Variants in EYS observed in about 807,000 individuals in gnomAD.
EYS encodes the protein protein eyes shut homolog.
EYS carries 250 observed loss-of-function variants against 282.1 expected under a neutral mutation model. That is an observed-to-expected ratio of 0.89 (90% CI 0.80 to 0.98). The LOEUF (loss-of-function observed/expected upper bound fraction) is 0.98. Among genes scored for constraint, EYS ranks in the 50% least tolerant of loss-of-function variants. The pLI, the probability that EYS is intolerant of heterozygous loss-of-function variation, is 0.00. For synonymous variants in EYS, 1,355 were observed against 1,282.9 expected (o/e 1.06, Z -1.20); for missense variants, 4,016 against 3,709.0 (o/e 1.08, Z -2.15).
Position 64,886,944 on chromosome 6 carries a change from T to G in EYS, c.2847-102A>C, listed in dbSNP as rs1767109779. The G allele has an allele frequency of 7.9e-6, 6 of 756,924 alleles. No individual in the cohort carries two copies. In the South Asian group the frequency reaches 1.4e-4, roughly 18 times the overall value. The allele number at this position is 756,924 out of a possible 1,614,324, so 46.9% of individuals were successfully genotyped here. A position where few individuals can be genotyped will look rare whatever the true frequency, so the allele number is the denominator to read the frequency against. On this transcript the variant is annotated intron_variant, in intron 18 of 42. Transcript: ENST00000503581. ...TTTAAATTCAAGACATTCAACTTAA[T>G]TGAAATAAATAATATATGTATTTCA...
chr6:64,336,456 G>A lies in EYS; in HGVS notation c.6079-29374C>T, dbSNP rs549520564. 2.6e-5 allele frequency among the ~76,000 whole-genome samples: 4 copies of A among 152,080 alleles called. No individual in the cohort carries two copies. The South Asian group carries it at 8.3e-4, about 32-fold the overall frequency. ...CTTAACATACATGCACCGAACACTG[G>A]AGCTCCCAAATTTATAAAACAATTA... On this transcript the variant is annotated intron_variant, in intron 29 of 42. Coordinates refer to ENST00000503581, the MANE Select transcript of EYS (RefSeq NM_001142800.2).
chr6:65,556,609 G>A (rs1768814255), intron 2 of EYS, among the ~76,000 whole-genome samples: 1 of 152,012 alleles, frequency 6.6e-6, no homozygotes, highest in Non-Finnish European at 1.5e-5. Flanking sequence ...TATCTTAATT[G>A]ATGAAATCTT....
chr6:64,018,405 A>G (rs570522104), intron 33 of EYS, among the ~76,000 whole-genome samples: 1 of 152,280 alleles, frequency 6.6e-6, no homozygotes, highest in Non-Finnish European at 1.5e-5. Context: ...TTGCTTTCTC[A>G]TCAAATCTAA....
At position 65,384,333 on chromosome 6, in the gene EYS, G is replaced by A. The variant is rs1391138406; in HGVS notation, c.1299+53C>T. 6 of 926,838 alleles carry A rather than the reference G, an allele frequency of 6.5e-6. No individual in the cohort carries two copies. In the Admixed American group the frequency reaches 7.0e-5, roughly 11 times the overall value. The allele number at this position is 926,838 out of a possible 1,614,324, so 57.4% of individuals were successfully genotyped here. A position where few individuals can be genotyped will look rare whatever the true frequency, so the allele number is the denominator to read the frequency against. On this transcript the variant is annotated intron_variant, in intron 8 of 42. Transcript: ENST00000503581. ...AGCATTTGAAATATAGACTAACTGA[G>A]TCTATTGTATTTTGAAGGGCTAACT... is the stretch of plus-strand genomic sequence containing the variant.
intron 14 of EYS, among the ~76,000 whole-genome samples, chr6:64,949,638 AC>A (rs1463389569): frequency 5.9e-5 from 9 of 152,054 alleles, no homozygotes; most frequent in South Asian, 4.1e-4. Context: ...ATCTCTTTCT[AC>A]ATATAATATA....
At chr6:65,627,933 C>T (rs575274927) in intron 2 of EYS, among the ~76,000 whole-genome samples, 170 of 152,370 alleles carry the variant, frequency 1.1e-3, no homozygotes, top group African/African-American at 3.8e-3. Flanking sequence ...TGCGAGCGCA[C>T]GGCGCAGGAC....
chr6:64,582,364 C>T (rs1164291727), intron 26 of EYS, among the ~76,000 whole-genome samples: 3 of 152,086 alleles, frequency 2.0e-5, no homozygotes, highest in African/African-American at 7.2e-5. Flanking sequence ...CTAACTAATG[C>T]CTGGTGATCT....
chr6:65,481,600 G>A (rs1487042632), intron 5 of EYS, among the ~76,000 whole-genome samples: 1 of 152,218 alleles, frequency 6.6e-6, no homozygotes. Context: ...CCAGGCTGAA[G>A]TGCAGTGGCG....
At chr6:64,965,134 C>T (rs760275761) in intron 14 of EYS, among the ~76,000 whole-genome samples, 3 of 152,050 alleles carry the variant, frequency 2.0e-5, no homozygotes, top group Non-Finnish European at 2.9e-5. Context: ...ATTAAAACTG[C>T]AAAATTGAAG....
chr6:64,327,010 G>T (rs1246974243), intron 29 of EYS, among the ~76,000 whole-genome samples: 1 of 152,130 alleles, frequency 6.6e-6, no homozygotes, highest in Non-Finnish European at 1.5e-5. Flanking sequence ...AGATGTGGAT[G>T]GGGCCCACGA....
intron 31 of EYS, among the ~76,000 whole-genome samples, chr6:64,175,158 T>C (rs1764588968): frequency 6.6e-6 from 1 of 152,296 alleles, no homozygotes; most frequent in Admixed American, 6.5e-5. Flanking sequence ...GCTTTAATAA[T>C]ATCTGATTCC....
intron 31 of EYS, among the ~76,000 whole-genome samples, chr6:64,140,899 T>G (rs1036388637): frequency 6.6e-6 from 1 of 152,104 alleles, no homozygotes; most frequent in African/African-American, 2.4e-5. Flanking sequence ...GCCATCTGTT[T>G]CCTACTGGGA....
At chr6:65,465,399 T>C (rs1215811990) in intron 5 of EYS, among the ~76,000 whole-genome samples, 1 of 151,908 alleles carries the variant, frequency 6.6e-6, no homozygotes, top group Non-Finnish European at 1.5e-5. Context: ...ATCACTTGAA[T>C]CCAGGAGGTC....
chr6:65,432,218 T>C (rs950742326), intron 5 of EYS, among the ~76,000 whole-genome samples: 1 of 152,164 alleles, frequency 6.6e-6, no homozygotes, highest in Non-Finnish European at 1.5e-5. Context: ...AATAGGGTTT[T>C]TGGAAGTTAA....
chr6:65,073,087 T>A (rs959667488), intron 12 of EYS, among the ~76,000 whole-genome samples: 2 of 151,530 alleles, frequency 1.3e-5, no homozygotes, highest in East Asian at 3.9e-4. Context: ...AAAGAAAATA[T>A]AGACAACACT....
At chr6:63,956,957 C>G (rs530321721) in intron 35 of EYS, among the ~76,000 whole-genome samples, 6 of 152,164 alleles carry the variant, frequency 3.9e-5, no homozygotes, top group Non-Finnish European at 8.8e-5. Context: ...TCCACTTTTA[C>G]TATAGCTTCA....
intron 32 of EYS, among the ~76,000 whole-genome samples, chr6:64,069,875 G>T (rs924520830): frequency 3.0e-4 from 45 of 152,086 alleles, no homozygotes; most frequent in African/African-American, 8.4e-4. Context: ...ATCATTACAT[G>T]TTAACCTAAA....
chr6:63,939,611 T>G (rs1330272398), intron 35 of EYS, among the ~76,000 whole-genome samples: 1 of 152,180 alleles, frequency 6.6e-6, no homozygotes, highest in Non-Finnish European at 1.5e-5. Flanking sequence ...ATGGGTTCAC[T>G]TATATATGGA....
chr6:63,927,271 C>A (rs1268817327), intron 35 of EYS, among the ~76,000 whole-genome samples: 1 of 152,190 alleles, frequency 6.6e-6, no homozygotes, highest in Non-Finnish European at 1.5e-5. Flanking sequence ...CAGGATCCTG[C>A]ACTTAATAAA....
Sources: gnomAD v4.1 joint callset for allele counts (sites outside exome capture counted in the v4.1 genomes callset) on GRCh38, gnomAD v4.1.1 for gene constraint, MANE v1.5 for transcripts, NCBI Gene and HGNC (gene_info 2026-07-23, HGNC 2026-07-21) for gene names.